PPP2R2C: variants seen among roughly 807,000 people sequenced by gnomAD.
PPP2R2C encodes the protein protein phosphatase 2, regulatory subunit B, gamma.
A neutral mutation model predicts 45.3 loss-of-function variants in PPP2R2C; 10 were observed. That is an observed-to-expected ratio of 0.22 (90% CI 0.14 to 0.37). PPP2R2C has a LOEUF of 0.37. Ranked by LOEUF, PPP2R2C falls within the 10% of genes least tolerant of loss-of-function variation. PPP2R2C has a pLI of 1.00. For synonymous variants in PPP2R2C, 257 were observed against 245.4 expected, an observed-to-expected ratio of 1.05 and a Z score of -0.44; for missense variants, 308 against 619.7, an observed-to-expected ratio of 0.50 and a Z score of 5.34.
At chr4:6,540,769 G>A (rs2108831450) in intron 1 of PPP2R2C, among the ~76,000 whole-genome samples, 1 of 152,384 alleles carries the variant, frequency 6.6e-6, no homozygotes, top group Non-Finnish European at 1.5e-5. Flanking sequence ...TGTGCATCAG[G>A]GAGAGACTGA....
At chr4:6,477,598 C>T (rs1033499815), upstream of PPP2R2C, among the ~76,000 whole-genome samples, 4 of 151,892 alleles carry the variant, frequency 2.6e-5, no homozygotes, top group Non-Finnish European at 5.9e-5. Context: ...TGGTGGTGGG[C>T]GCCTGTTGTC....
chr4:6,348,898 T>C, intron 5 of PPP2R2C: 1 of 780,370 alleles, frequency 1.3e-6, no homozygotes, highest in Non-Finnish European at 1.6e-6. Context: ...GTCAAGAACT[T>C]TGCTGCTTGC....
intron 1 of PPP2R2C, among the ~76,000 whole-genome samples, chr4:6,399,362 T>G (rs531841480): frequency 6.6e-6 from 1 of 152,258 alleles, no homozygotes; most frequent in Non-Finnish European, 1.5e-5. Context: ...AGCTGCTAAT[T>G]TAATCCCCTC....
At chr4:6,537,273 G>A (rs2108828407) in intron 1 of PPP2R2C, among the ~76,000 whole-genome samples, 1 of 152,202 alleles carries the variant, frequency 6.6e-6, no homozygotes, top group East Asian at 1.9e-4. Context: ...TAAAAACAAA[G>A]GACACACACA....
At chr4:6,363,312 C>A (rs949659345) in intron 5 of PPP2R2C, among the ~76,000 whole-genome samples, 1 of 152,180 alleles carries the variant, frequency 6.6e-6, no homozygotes, top group Non-Finnish European at 1.5e-5. Flanking sequence ...GGTGCGGTGG[C>A]TAACGCCTGT....
intron 1 of PPP2R2C, among the ~76,000 whole-genome samples, chr4:6,393,160 T>C (rs566151146): frequency 6.6e-6 from 1 of 152,228 alleles, no homozygotes; most frequent in South Asian, 2.1e-4. Flanking sequence ...TGCCAGAACA[T>C]TCCCACCGCC....
chr4:6,463,779 G>A (rs1721452772), intron 1 of PPP2R2C, among the ~76,000 whole-genome samples: 1 of 152,230 alleles, frequency 6.6e-6, no homozygotes, highest in South Asian at 2.1e-4. Context: ...TTCAGTCCCT[G>A]GACCACGTGT....
chr4:6,370,162 G>T (rs1714681677), intron 5 of PPP2R2C, among the ~76,000 whole-genome samples: 1 of 152,204 alleles, frequency 6.6e-6, no homozygotes, highest in Non-Finnish European at 1.5e-5. Context: ...CGAGGCCAGG[G>T]CAAAAGCCCT....
chr4:6,404,819 C>T (rs987352359), intron 1 of PPP2R2C, among the ~76,000 whole-genome samples: 1 of 152,162 alleles, frequency 6.6e-6, no homozygotes, highest in African/African-American at 2.4e-5. Context: ...TGAGACACAA[C>T]GGGCAGAGCA....
intron 2 of PPP2R2C, among the ~76,000 whole-genome samples, chr4:6,534,842 T>G (rs1724547627): frequency 6.6e-6 from 1 of 152,232 alleles, no homozygotes; most frequent in South Asian, 2.1e-4. Flanking sequence ...GGTCGGCCGC[T>G]CAGTGTGAGC....
chr4:6,383,824 G>T, intron 1 of PPP2R2C: 3 of 994,540 alleles, frequency 3.0e-6, no homozygotes, highest in Non-Finnish European at 3.6e-6. Context: ...CCAGGCCAGA[G>T]ATATCTATCC....
intron 5 of PPP2R2C, chr4:6,349,057 C>A (rs1331429602): frequency 2.0e-6 from 2 of 985,326 alleles, no homozygotes; most frequent in Non-Finnish European, 2.4e-6. Context: ...TCCCTGCTGC[C>A]CAGCAGCAGA....
At chr4:6,455,955 C>T (rs1180252785) in intron 1 of PPP2R2C, among the ~76,000 whole-genome samples, 3 of 152,042 alleles carry the variant, frequency 2.0e-5, no homozygotes, top group Non-Finnish European at 4.4e-5. Context: ...CGGATCACAG[C>T]CATCTGTTAT....
chr4:6,519,476 C>T (rs950366556), intron 2 of PPP2R2C, among the ~76,000 whole-genome samples: 1 of 152,188 alleles, frequency 6.6e-6, no homozygotes, highest in Non-Finnish European at 1.5e-5. Flanking sequence ...CCCCAGCTCC[C>T]GTCATGCAGC....
chr4:6,467,837 C>T (rs1046416552), intron 1 of PPP2R2C, among the ~76,000 whole-genome samples: 27 of 152,208 alleles, frequency 1.8e-4, no homozygotes, highest in Middle Eastern at 3.2e-3. Context: ...CTGCCATCAA[C>T]GGTGGTGGCC....
intron 1 of PPP2R2C, among the ~76,000 whole-genome samples, chr4:6,551,258 T>C (rs1001554719): frequency 1.3e-5 from 2 of 152,340 alleles, no homozygotes; most frequent in African/African-American, 4.8e-5. Context: ...CGAGTGCTCA[T>C]GTATGTCACA....
intron 1 of PPP2R2C, among the ~76,000 whole-genome samples, chr4:6,562,594 C>G (rs1725615984): frequency 6.6e-6 from 1 of 152,112 alleles, no homozygotes; most frequent in Non-Finnish European, 1.5e-5. Context: ...TCACTGGGCC[C>G]CTGAAGGGAG....
intron 5 of PPP2R2C, among the ~76,000 whole-genome samples, chr4:6,357,892 G>A (rs935347934): frequency 7.9e-5 from 12 of 152,332 alleles, no homozygotes; most frequent in South Asian, 2.1e-4. Flanking sequence ...CAGGCCTCCC[G>A]TATAGTCCTC....
intron 1 of PPP2R2C, among the ~76,000 whole-genome samples, chr4:6,562,294 G>A (rs926911094): frequency 6.6e-6 from 1 of 152,204 alleles, no homozygotes; most frequent in Non-Finnish European, 1.5e-5. Context: ...GTTGCTGACA[G>A]TGTCCCTGTG....
Sources: gnomAD v4.1 joint callset for allele counts (sites outside exome capture counted in the v4.1 genomes callset) on GRCh38, gnomAD v4.1.1 for gene constraint, MANE v1.5 for transcripts, NCBI Gene and HGNC (gene_info 2026-07-23, HGNC 2026-07-21) for gene names.